ANKRD11: variants seen among roughly 807,000 people sequenced by gnomAD.
The protein encoded by ANKRD11 is ankyrin repeat domain-containing protein 11.
In ANKRD11, 17 loss-of-function variants were observed where a neutral mutation model predicts 195.7. The observed-to-expected ratio is 0.09, with a 90% CI of 0.06 to 0.13. The LOEUF (loss-of-function observed/expected upper bound fraction) is 0.13. Ranked by LOEUF, ANKRD11 falls within the 10% of genes least tolerant of loss-of-function variation. The pLI, the probability that ANKRD11 is intolerant of heterozygous loss-of-function variation, is 1.00. For synonymous variants in ANKRD11, 1,953 were observed against 1,528.1 expected, an observed-to-expected ratio of 1.28 and a Z score of -6.49; for missense variants, 3,735 against 3,566.1, an observed-to-expected ratio of 1.05 and a Z score of -1.21.
chr16:89,318,914 C>G (rs1336580265), intron 2 of ANKRD11, among the ~76,000 whole-genome samples: 1 of 152,174 alleles, frequency 6.6e-6, no homozygotes, highest in African/African-American at 2.4e-5. Flanking sequence ...CTCTCTCTAC[C>G]TGAACCAATG....
chr16:89,336,653 G>A (rs1409748535), intron 2 of ANKRD11, among the ~76,000 whole-genome samples: 2 of 152,152 alleles, frequency 1.3e-5, no homozygotes, highest in Non-Finnish European at 1.5e-5. Flanking sequence ...CACACCCCCC[G>A]GGTGGGCCAC....
rs144661532 is a variant in ANKRD11 at position 89,471,654 on chromosome 16, G to A, written c.-145+18591C>T. ...ACAAAAATTATCCGGGCGTGGTGGC[G>A]GACACCTGTAATCCCAGCTACTTGG... On this transcript the variant is annotated intron_variant, in intron 1 of 12. Coordinates refer to ENST00000301030, the MANE Select transcript of ANKRD11 (RefSeq NM_013275.6). Among the ~76,000 whole-genome samples, 499 of 151,560 alleles carry A rather than the reference G, an allele frequency of 3.3e-3. 2 individuals carry two copies. Among genetic ancestry groups the A allele is most frequent in the Non-Finnish European group, 4.8e-3 (327 of 67,864 alleles).
intron 3 of ANKRD11, among the ~76,000 whole-genome samples, chr16:89,307,883 A>G (rs1281321282): frequency 6.6e-6 from 1 of 152,210 alleles, no homozygotes; most frequent in East Asian, 1.9e-4. Context: ...GGCCACCATC[A>G]CCCTAATCTC....
chr16:89,372,486 A>G (rs2040238619), intron 2 of ANKRD11, among the ~76,000 whole-genome samples: 1 of 152,196 alleles, frequency 6.6e-6, no homozygotes, highest in African/African-American at 2.4e-5. Flanking sequence ...GAGAAGAGCG[A>G]AGGCCAAGGC....
chr16:89,280,594 G>C lies in ANKRD11; in HGVS notation c.5948C>G (p.Ser1983Cys). 1.2e-6 allele frequency: 2 copies of C among 1,613,526 alleles called. No homozygotes were observed. Among genetic ancestry groups the C allele is most frequent in the Non-Finnish European group, 1.7e-6 (2 of 1,179,952 alleles). Residue 1983 changes from serine to cysteine, a missense_variant, in exon 9 of 13, where the codon TCT (serine) becomes TGT (cysteine). Transcript: ENST00000301030. Reference sequence around the variant, plus strand: ...TGGGGACTCGGGGAATCTCTGTGGAGACTTCAGCAGGAGGTCCGAGCCCAC... The same window carrying C: ...TGGGGACTCGGGGAATCTCTGTGGACACTTCAGCAGGAGGTCCGAGCCCAC... ...WPVGSDLLLK[S>C]PQRFPESPKR...
Position 89,279,557 on chromosome 16 carries a change from C to A in ANKRD11, c.6985G>T (p.Val2329Leu), listed in dbSNP as rs760933701. 3 of 1,430,920 alleles carry A rather than the reference C, an allele frequency of 2.1e-6. No individual in the cohort carries two copies. In the African/African-American group the frequency reaches 4.3e-5, roughly 20 times the overall value. The allele number at this position is 1,430,920 out of a possible 1,614,324, so 88.6% of individuals were successfully genotyped here. ...GTCATGCGCTGAGGGATCTCCTCCA[C>A]TCGGGGGGCCTTCGGGGCTTCGGCC... ...PTAEAPKAPR[V>L]EEIPQRMTRN... Residue 2329 changes from valine to leucine, a missense_variant, in exon 9 of 13, where the codon GTG (valine) becomes TTG (leucine). Transcript: ENST00000301030. The surrounding 1 kb of genome is among the most constrained non-coding windows in gnomAD (Gnocchi z 5.6).
intron 1 of ANKRD11, among the ~76,000 whole-genome samples, chr16:89,480,123 T>A (rs1194089993): frequency 7.4e-6 from 1 of 135,264 alleles, no homozygotes; most frequent in East Asian, 2.3e-4. Flanking sequence ...AAAAAAAAAA[T>A]TAAGTCTTTC....
intron 3 of ANKRD11, chr16:89,313,428 G>C: frequency 8.5e-6 from 11 of 1,289,124 alleles, no homozygotes; most frequent in South Asian, 1.2e-5. Flanking sequence ...CTGCAGAAGG[G>C]GCCCTTTCTC....
rs1044411599 is a variant in ANKRD11, at chr16:89,363,483, A to T, written c.-59-46405T>A. Among the ~76,000 whole-genome samples the T allele has an allele frequency of 4.1e-3, 112 of 27,044 alleles. 1 individual carries two copies. In the East Asian group the frequency reaches 0.053, roughly 13 times the overall value. 17.7% of individuals were successfully genotyped at this position (27,044 alleles called of 152,430 possible). ...TAAAAGTATAATAATAATAAAATTA[A>T]AAAAAAAAAAGATTCAGTCTTGCAA... On this transcript the variant is annotated intron_variant, in intron 2 of 12. Transcript: ENST00000301030.
At chr16:89,461,314 C>T (rs552313006) in intron 1 of ANKRD11, among the ~76,000 whole-genome samples, 108 of 151,752 alleles carry the variant, frequency 7.1e-4, no homozygotes, top group Middle Eastern at 3.4e-3. Context: ...AATGGGTAGC[C>T]GGTGTCGTCT....
intron 2 of ANKRD11, among the ~76,000 whole-genome samples, chr16:89,349,269 C>T (rs2039094412): frequency 6.6e-6 from 1 of 151,788 alleles, no homozygotes; most frequent in African/African-American, 2.4e-5. Context: ...TGGCTCACGC[C>T]TGTAATCCCA....
At position 89,354,668 on chromosome 16, in the gene ANKRD11, A is replaced by C. The variant is rs1027123536; in HGVS notation, c.-59-37590T>G. Among the ~76,000 whole-genome samples, 3 of 152,308 alleles carry C rather than the reference A, an allele frequency of 2.0e-5. No homozygotes were observed. In the East Asian group the frequency reaches 5.8e-4, roughly 29 times the overall value. On this transcript the variant is annotated intron_variant, in intron 2 of 12. Coordinates refer to ENST00000301030, the MANE Select transcript of ANKRD11 (RefSeq NM_013275.6). Reference sequence around the variant, plus strand: ...AGGCCGAGGCAGGTGAATCACCTGAAGTCAGGAGTTCAAGACCAGCCTGGC... The same window carrying C: ...AGGCCGAGGCAGGTGAATCACCTGACGTCAGGAGTTCAAGACCAGCCTGGC...
At chr16:89,345,711 T>A (rs965837172) in intron 2 of ANKRD11, among the ~76,000 whole-genome samples, 1 of 152,244 alleles carries the variant, frequency 6.6e-6, no homozygotes, top group Non-Finnish European at 1.5e-5. Flanking sequence ...AGCTGAGTGA[T>A]GTTTAATCCA....
chr16:89,285,336 C>A lies in ANKRD11; in HGVS notation c.1206G>T (p.Ala402=). ...TKNNTIAPKK[A]SHRILSDTSD... is the part of the protein sequence containing the mutation. ...ACGTGTCTGACAGGATACGATGGGACGCTTTCTTTGGTGCAATCGTGTTAT... is the reference window on the plus strand; with the variant it reads ...ACGTGTCTGACAGGATACGATGGGAAGCTTTCTTTGGTGCAATCGTGTTAT... The change falls in exon 9 of 13, where the codon GCG becomes GCT. Residue 402 remains alanine (A), a synonymous_variant. Transcript: ENST00000301030. This position sits in a 1 kb window ranked among gnomAD's most constrained non-coding sequence, Gnocchi z 5.6. The A allele has an allele frequency of 6.2e-7, 1 of 1,613,982 alleles. No homozygotes were observed. Among genetic ancestry groups the A allele is most frequent in the Admixed American group, 1.7e-5 (1 of 60,028 alleles).
intron 1 of ANKRD11, among the ~76,000 whole-genome samples, chr16:89,427,495 G>T (rs550249593): frequency 1.9e-4 from 29 of 152,264 alleles, no homozygotes; most frequent in African/African-American, 6.3e-4. Context: ...GAGTAGAAAA[G>T]ACATAATTAA....
chr16:89,283,782 C>G lies in ANKRD11; in HGVS notation c.2760G>C (p.Arg920Ser), dbSNP rs769880695. 1 of 1,613,632 alleles carries G rather than the reference C, an allele frequency of 6.2e-7. No individual in the cohort carries two copies. The highest frequency in any genetic ancestry group is 1.1e-5 in the South Asian group (1 of 91,082). Residue 920 changes from arginine (R) to serine (S), a missense_variant, in exon 9 of 13, where the codon AGG becomes AGC. Arg to Ser is a moderately radical substitution (Grantham distance 110). Coordinates refer to ENST00000301030, the MANE Select transcript of ANKRD11 (RefSeq NM_013275.6). The surrounding 1 kb of genome is among the most constrained non-coding windows in gnomAD (Gnocchi z 4.3). Reference protein sequence around the residue: ...RDYLDKNSEKRKEQTEKHKSV... With the variant: ...RDYLDKNSEKSKEQTEKHKSV... ...TTTTATGCTTTTCGGTCTGCTCTTT[C>G]CTCTTCTCAGAGTTTTTATCCAAAT... is the stretch of plus-strand genomic sequence containing the variant.
chr16:89,426,170 T>C (rs1377315888), intron 1 of ANKRD11, among the ~76,000 whole-genome samples: 1 of 151,848 alleles, frequency 6.6e-6, no homozygotes, highest in East Asian at 1.9e-4. Context: ...CAAAAACAAT[T>C]CGTGTTTGAA....
chr16:89,313,735 C>T, intron 3 of ANKRD11: 1 of 529,430 alleles, frequency 1.9e-6, no homozygotes, highest in Non-Finnish European at 3.1e-6. Context: ...TTGGGGCTCA[C>T]TTCCTCCCTA....
chr16:89,334,144 T>TAAAAAAAAAAAAAAAAAA (rs869142504), intron 2 of ANKRD11, among the ~76,000 whole-genome samples: 6 of 41,416 alleles, frequency 1.4e-4, no homozygotes, highest in African/African-American at 4.8e-4. Context: ...CCCTGTGTTT[T>TAAAAAAAAAAAAAAAAAA]AAAAAAAAAA....
Sources: allele counts gnomAD v4.1 joint callset (sites outside exome capture counted in the v4.1 genomes callset), GRCh38; gene constraint gnomAD v4.1.1; non-coding constraint Gnocchi (gnomAD v3.1); transcripts MANE v1.5; gene names NCBI Gene and HGNC (gene_info 2026-07-23, HGNC 2026-07-21).